The following UVRAG variants were observed in gnomAD, a reference collection of about 807,000 sequenced individuals.
UVRAG encodes UV radiation resistance-associated gene protein.
UVRAG carries 19 observed loss-of-function variants against 78.0 expected under a neutral mutation model. The ratio of observed to expected loss-of-function variants is 0.24; its 90% CI spans 0.17 to 0.36. The LOEUF (loss-of-function observed/expected upper bound fraction) is 0.36, where lower values mean the gene tolerates loss of function less well. UVRAG is among the 10% of genes least tolerant of loss of function. UVRAG has a pLI of 1.00. For missense variants in UVRAG, 740 were observed against 853.8 expected (o/e 0.87, Z 1.66); for synonymous variants, 323 against 324.6 (o/e 1.00, Z 0.05).
At chr11:75,929,354 C>G (rs575828491) in intron 6 of UVRAG, among the ~76,000 whole-genome samples, 96 of 152,224 alleles carry the variant, frequency 6.3e-4, no homozygotes, top group African/African-American at 2.2e-3. Context: ...CAGTCACCCC[C>G]CTCCATTCTG....
intron 13 of UVRAG, among the ~76,000 whole-genome samples, chr11:76,084,386 A>G (rs1951548040): frequency 1.3e-5 from 2 of 152,190 alleles, no homozygotes; most frequent in African/African-American, 4.8e-5. Context: ...TTAATGGTCT[A>G]AGATCTTTTA....
intron 13 of UVRAG, among the ~76,000 whole-genome samples, chr11:76,114,368 C>A (rs1184058407): frequency 6.6e-6 from 1 of 152,152 alleles, no homozygotes; most frequent in African/African-American, 2.4e-5. Flanking sequence ...TCTGCTTTCT[C>A]AAGTATTGTT....
intron 8 of UVRAG, among the ~76,000 whole-genome samples, chr11:75,987,236 A>G (rs1039628515): frequency 5.3e-5 from 8 of 152,088 alleles, no homozygotes; most frequent in Non-Finnish European, 1.0e-4. Context: ...GAGGGTTCCA[A>G]TCTCCCCATT....
chr11:75,920,022 T>G (rs1206353324), intron 6 of UVRAG, among the ~76,000 whole-genome samples: 13 of 100,728 alleles, frequency 1.3e-4, no homozygotes, highest in Non-Finnish European at 1.7e-4. Flanking sequence ...TTTTTTTTTT[T>G]TTTTTTTTTT....
intron 6 of UVRAG, among the ~76,000 whole-genome samples, chr11:75,921,720 C>T (rs978208838): frequency 6.6e-6 from 1 of 151,582 alleles, no homozygotes; most frequent in Non-Finnish European, 1.5e-5. Flanking sequence ...CACCCATCTG[C>T]ACACTGATAT....
chr11:75,872,936 GGATAAATA>G (rs1167012788), intron 3 of UVRAG, among the ~76,000 whole-genome samples: 3 of 152,290 alleles, frequency 2.0e-5, no homozygotes, highest in East Asian at 3.9e-4. Context: ...ATATTGTAGA[GGATAAATA>G]CGCTAGTAGA....
intron 7 of UVRAG, among the ~76,000 whole-genome samples, chr11:75,965,597 G>A (rs1949005622): frequency 6.6e-6 from 1 of 152,210 alleles, no homozygotes. Context: ...TTACAGGCAT[G>A]AGCCACCGCG....
intron 12 of UVRAG, among the ~76,000 whole-genome samples, chr11:76,059,220 T>C (rs1425247249): frequency 1.3e-5 from 2 of 152,236 alleles, no homozygotes; most frequent in South Asian, 4.1e-4. Context: ...GGAAAGATGA[T>C]AGTTTCTCCA....
At chr11:75,959,303 C>T (rs1948865601) in intron 6 of UVRAG, among the ~76,000 whole-genome samples, 1 of 152,230 alleles carries the variant, frequency 6.6e-6, no homozygotes, top group Admixed American at 6.5e-5. Context: ...TGTTGAAAAT[C>T]TGTTGTTTAG....
chr11:76,138,744 A>G (rs1296908480), intron 14 of UVRAG, among the ~76,000 whole-genome samples: 1 of 152,176 alleles, frequency 6.6e-6, no homozygotes, highest in East Asian at 1.9e-4. Flanking sequence ...GGGCTGTTTC[A>G]CCTGGTGCTT....
At chr11:75,850,717 G>C (rs1281600289) in intron 1 of UVRAG, among the ~76,000 whole-genome samples, 1 of 152,230 alleles carries the variant, frequency 6.6e-6, no homozygotes, top group Non-Finnish European at 1.5e-5. Context: ...GGAGAAAATT[G>C]TTGCTGTAAT....
chr11:76,060,022 C>T (rs181362278), intron 12 of UVRAG, among the ~76,000 whole-genome samples: 362 of 152,316 alleles, frequency 2.4e-3, no homozygotes, highest in Middle Eastern at 0.01. Flanking sequence ...AGGCAAGAAA[C>T]TATTAGCAGC....
intron 8 of UVRAG, among the ~76,000 whole-genome samples, chr11:76,003,776 GTCTTAGGCGTATAC>G (rs902238474): frequency 2.0e-5 from 3 of 152,148 alleles, no homozygotes; most frequent in Admixed American, 6.5e-5. Flanking sequence ...TAGGCAGAGA[GTCTTAGGCGTATAC>G]TCTTAGGCTT....
At chr11:75,915,612 G>T (rs1269222202) in intron 6 of UVRAG, among the ~76,000 whole-genome samples, 2 of 152,148 alleles carry the variant, frequency 1.3e-5, no homozygotes, top group East Asian at 3.8e-4. Context: ...TTTGGGTTGA[G>T]AAAAGTACGG....
At chr11:76,117,269 G>A (rs1293683936) in intron 14 of UVRAG, among the ~76,000 whole-genome samples, 1 of 152,232 alleles carries the variant, frequency 6.6e-6, no homozygotes, top group South Asian at 2.1e-4. Flanking sequence ...GAGAAAATTG[G>A]CAACCTACAA....
intron 6 of UVRAG, among the ~76,000 whole-genome samples, chr11:75,945,624 CTTAT>C (rs1318740333): frequency 6.6e-6 from 1 of 152,006 alleles, no homozygotes; most frequent in Non-Finnish European, 1.5e-5. Flanking sequence ...CTCCAAATGA[CTTAT>C]TTATTTGCCT....
chr11:76,142,920 G>A lies in UVRAG; in HGVS notation c.*1507G>A, dbSNP rs933356314. On this transcript the variant is annotated 3_prime_UTR_variant, in exon 15 of 15. Coordinates refer to ENST00000356136, the MANE Select transcript of UVRAG (RefSeq NM_003369.4). ...AAGCATTCCTGGGCTCAAGTTTAAT[G>A]TATAGCTACATTGTTGTTTTCCATG... 3 of 152,284 alleles carry A rather than the reference G, an allele frequency of 2.0e-5. No homozygotes were observed. The highest frequency in any genetic ancestry group is 4.1e-4 in the South Asian group (2 of 4,830). The allele number at this position is 152,284 out of a possible 1,614,324, so 9.4% of individuals were successfully genotyped here. A position where few individuals can be genotyped will look rare whatever the true frequency, so the allele number is the denominator to read the frequency against.
intron 3 of UVRAG, among the ~76,000 whole-genome samples, chr11:75,871,282 C>CTTTTT (rs769390519): frequency 1.6e-5 from 2 of 124,408 alleles, no homozygotes; most frequent in Non-Finnish European, 3.4e-5. Flanking sequence ...GGCATATGCC[C>CTTTTT]TTTTTTTTTT....
intron 6 of UVRAG, among the ~76,000 whole-genome samples, chr11:75,952,366 A>G (rs1948718959): frequency 6.6e-6 from 1 of 151,992 alleles, no homozygotes; most frequent in South Asian, 2.1e-4. Flanking sequence ...GATTGTAAGT[A>G]TAGGATTAGC....
Sources: allele counts gnomAD v4.1 joint callset (sites outside exome capture counted in the v4.1 genomes callset), GRCh38; gene constraint gnomAD v4.1.1; transcripts MANE v1.5; gene names NCBI Gene and HGNC (gene_info 2026-07-23, HGNC 2026-07-21).